VMP1: variants seen among roughly 807,000 people sequenced by gnomAD.
The protein encoded by VMP1 is ectopic P-granules autophagy protein 3 homolog.
In VMP1, 11 loss-of-function variants were observed where a neutral mutation model predicts 56.0. The ratio of observed to expected loss-of-function variants is 0.20; its 90% CI spans 0.12 to 0.32. The LOEUF is 0.32. Among genes scored for constraint, VMP1 ranks in the 10% least tolerant of loss-of-function variants. The pLI is 1.00. For missense variants in VMP1, 296 were observed against 490.3 expected (o/e 0.60, Z 3.74); for synonymous variants, 149 against 165.0 (o/e 0.90, Z 0.74).
chr17:59,768,520 T>C (rs1340016534), intron 6 of VMP1, among the ~76,000 whole-genome samples: 1 of 151,942 alleles, frequency 6.6e-6, no homozygotes, highest in Non-Finnish European at 1.5e-5. Flanking sequence ...GGAGAATCGC[T>C]TGAACCCAGG....
At chr17:59,713,290 T>A (rs553104984) in intron 1 of VMP1, among the ~76,000 whole-genome samples, 2 of 151,846 alleles carry the variant, frequency 1.3e-5, no homozygotes, top group East Asian at 1.9e-4. Flanking sequence ...TTAGGAGATA[T>A]ACCTAATGTA....
chr17:59,807,105 G>A (rs1202702018), intron 7 of VMP1, among the ~76,000 whole-genome samples: 1 of 152,002 alleles, frequency 6.6e-6, no homozygotes, highest in African/African-American at 2.4e-5. Context: ...GTGCCAATTA[G>A]AGAACTATAT....
chr17:59,823,697 G>A (rs2038535315), intron 10 of VMP1, among the ~76,000 whole-genome samples: 1 of 151,944 alleles, frequency 6.6e-6, no homozygotes, highest in Non-Finnish European at 1.5e-5. Flanking sequence ...CATGCAGTGA[G>A]CTGAGATCAC....
chr17:59,827,244 C>A (rs1325013526), intron 10 of VMP1, among the ~76,000 whole-genome samples: 2 of 152,080 alleles, frequency 1.3e-5, no homozygotes, highest in African/African-American at 4.8e-5. Context: ...CCTGCCTCAG[C>A]CTCCCCAAAT....
intron 10 of VMP1, among the ~76,000 whole-genome samples, chr17:59,821,734 T>C (rs548734847): frequency 6.6e-6 from 1 of 151,934 alleles, no homozygotes; most frequent in Non-Finnish European, 1.5e-5. Context: ...TTATTTTTAG[T>C]AGGGACAGGG....
intron 6 of VMP1, among the ~76,000 whole-genome samples, chr17:59,772,033 A>G (rs2036445417): frequency 6.7e-6 from 1 of 148,362 alleles, no homozygotes; most frequent in South Asian, 2.1e-4. Context: ...TTTTTTTTGG[A>G]GATAGAGTCT....
chr17:59,793,418 C>A lies in VMP1; in HGVS notation c.715-15378C>A, dbSNP rs1404710830. Among the ~76,000 whole-genome samples, 2 of 115,302 alleles carry A rather than the reference C, an allele frequency of 1.7e-5. 1 individual carries two copies. Among genetic ancestry groups the A allele is most frequent in the Non-Finnish European group, 4.3e-5 (2 of 46,438 alleles). 75.6% of individuals were successfully genotyped at this position (115,302 alleles called of 152,430 possible). On this transcript the variant is annotated intron_variant, in intron 7 of 11. Coordinates refer to ENST00000262291, the MANE Select transcript of VMP1 (RefSeq NM_030938.5). ...AAGGAAATTACTTGTGTAATATATC[C>A]GTTTACTTATTTCTATGCAGTAATA...
At chr17:59,783,966 A>G (rs930324020) in intron 7 of VMP1, among the ~76,000 whole-genome samples, 1 of 152,190 alleles carries the variant, frequency 6.6e-6, no homozygotes, top group African/African-American at 2.4e-5. Context: ...AATCTAAACT[A>G]TTTAACCCAG....
chr17:59,774,183 A>AT (rs1425616218), intron 7 of VMP1, among the ~76,000 whole-genome samples: 1 of 152,176 alleles, frequency 6.6e-6, no homozygotes, highest in Non-Finnish European at 1.5e-5. Flanking sequence ...TTTCTCCATT[A>AT]TTTGTTTAGA....
chr17:59,747,775 G>A (rs1018569305), intron 5 of VMP1, among the ~76,000 whole-genome samples: 1 of 151,574 alleles, frequency 6.6e-6, no homozygotes, highest in East Asian at 1.9e-4. Flanking sequence ...AACACCTATC[G>A]TCCTAGCTAC....
chr17:59,748,894 A>AT (rs1555615948), intron 5 of VMP1, among the ~76,000 whole-genome samples: 6 of 145,762 alleles, frequency 4.1e-5, no homozygotes, highest in East Asian at 2.0e-4. Flanking sequence ...ATTATTATTT[A>AT]TTTTTTTTTT....
intron 5 of VMP1, among the ~76,000 whole-genome samples, chr17:59,763,008 C>G (rs957122571): frequency 1.3e-5 from 2 of 152,102 alleles, no homozygotes; most frequent in Non-Finnish European, 2.9e-5. Context: ...CTAACTTTAG[C>G]TGTAGACTAC....
intron 7 of VMP1, among the ~76,000 whole-genome samples, chr17:59,792,751 A>T (rs1408350194): frequency 6.6e-6 from 1 of 151,598 alleles, no homozygotes; most frequent in African/African-American, 2.4e-5. Flanking sequence ...CAGGAGGCTG[A>T]GGCAGGAGAA....
chr17:59,709,951 A>C (rs1188037012), intron 1 of VMP1, among the ~76,000 whole-genome samples: 2 of 152,130 alleles, frequency 1.3e-5, no homozygotes, highest in Non-Finnish European at 2.9e-5. Context: ...TAATCCCAGC[A>C]CTTTGGGAGG....
At chr17:59,780,351 G>A (rs2036775550) in intron 7 of VMP1, among the ~76,000 whole-genome samples, 1 of 152,172 alleles carries the variant, frequency 6.6e-6, no homozygotes, top group African/African-American at 2.4e-5. Flanking sequence ...AGCACTTTGG[G>A]AGACCAAGGT....
At chr17:59,736,402 CA>C (rs35085705) in intron 3 of VMP1, among the ~76,000 whole-genome samples, 122,908 of 141,750 alleles carry the variant, frequency 0.87, 53,357 homozygotes, top group East Asian at 0.95. Context: ...TACTCTGTCT[CA>C]AAAAAAAAAA....
chr17:59,762,894 A>G (rs560933734), intron 5 of VMP1, among the ~76,000 whole-genome samples: 14 of 152,296 alleles, frequency 9.2e-5, no homozygotes, highest in East Asian at 1.9e-4. Context: ...TACATTTTTT[A>G]TATTTCTGGA....
intron 2 of VMP1, among the ~76,000 whole-genome samples, chr17:59,732,332 G>T (rs918430789): frequency 1.3e-5 from 2 of 152,046 alleles, no homozygotes; most frequent in Non-Finnish European, 2.9e-5. Context: ...TGCAACCTCC[G>T]CCTCCCAGGT....
At chr17:59,825,719 A>T (rs1436217262) in intron 10 of VMP1, among the ~76,000 whole-genome samples, 3 of 152,206 alleles carry the variant, frequency 2.0e-5, no homozygotes, top group Non-Finnish European at 4.4e-5. Flanking sequence ...TGGAACAGGG[A>T]CTTTTTACCA....
Sources: allele counts gnomAD v4.1 joint callset (sites outside exome capture counted in the v4.1 genomes callset), GRCh38; gene constraint gnomAD v4.1.1; transcripts MANE v1.5; gene names NCBI Gene and HGNC (gene_info 2026-07-23, HGNC 2026-07-21).